The following FIP1L1 variants were observed in gnomAD, a reference collection of about 807,000 sequenced individuals.
FIP1L1 encodes factor interacting with PAPOLA and CPSF1.
In FIP1L1, 21 loss-of-function variants were observed where a neutral mutation model predicts 84.6. That is an observed-to-expected ratio of 0.25 (90% CI 0.18 to 0.36). The LOEUF (loss-of-function observed/expected upper bound fraction) is 0.36, where lower values mean the gene tolerates loss of function less well. FIP1L1 is among the 10% of genes least tolerant of loss of function. The pLI, the probability that FIP1L1 is intolerant of heterozygous loss-of-function variation, is 1.00. For synonymous variants in FIP1L1, 263 were observed against 242.3 expected (o/e 1.09, Z -0.80); for missense variants, 526 against 751.1 (o/e 0.70, Z 3.50).
intron 10 of FIP1L1, among the ~76,000 whole-genome samples, chr4:53,413,665 A>G (rs1006483673): frequency 6.6e-6 from 1 of 152,066 alleles, no homozygotes; most frequent in African/African-American, 2.4e-5. Flanking sequence ...TTTTTAGGCT[A>G]AGGGTATATA....
intron 1 of FIP1L1, 79 bp downstream of exon 1, chr4:53,378,002 C>A: frequency 7.8e-7 from 1 of 1,283,666 alleles, no homozygotes; most frequent in Non-Finnish European, 1.0e-6. Flanking sequence ...CGTCCCTGGC[C>A]TCTCGCGCCG....
At chr4:53,435,963 G>C (rs1768984032) in intron 13 of FIP1L1, among the ~76,000 whole-genome samples, 1 of 152,176 alleles carries the variant, frequency 6.6e-6, no homozygotes, top group African/African-American at 2.4e-5. Context: ...AAACTTCTGA[G>C]CTTGATGGCT....
At chr4:53,455,464 T>G (rs989390691) in intron 16 of FIP1L1, among the ~76,000 whole-genome samples, 4 of 152,096 alleles carry the variant, frequency 2.6e-5, no homozygotes, top group African/African-American at 4.8e-5. Flanking sequence ...CATTGTAGGG[T>G]TATTAATTGG....
chr4:53,391,331 C>T, intron 8 of FIP1L1, 99 bp from the exon 9 acceptor site: 11 of 1,209,790 alleles, frequency 9.1e-6, no homozygotes, highest in Non-Finnish European at 1.3e-5. Context: ...GATGTTCTTA[C>T]TTTCAAATCA....
intron 7 of FIP1L1, 150 bp downstream of exon 7, chr4:53,390,778 A>G: frequency 1.6e-6 from 1 of 626,120 alleles, no homozygotes; most frequent in East Asian, 2.9e-5. Context: ...GGGATTATTA[A>G]ATCTTACTGG....
intron 9 of FIP1L1, among the ~76,000 whole-genome samples, chr4:53,398,008 AGGCAGAACAATGCG>A (rs1748321237): frequency 6.6e-6 from 1 of 152,192 alleles, no homozygotes; most frequent in East Asian, 1.9e-4. Flanking sequence ...TGACATCCCC[AGGCAGAACAATGCG>A]TTTCTTTTTG....
At chr4:53,443,395 T>C (rs185659588) in intron 14 of FIP1L1, among the ~76,000 whole-genome samples, 347 of 152,274 alleles carry the variant, frequency 2.3e-3, no homozygotes, top group African/African-American at 8.0e-3. Context: ...AGTATAATTC[T>C]TGGCAGATAG....
chr4:53,396,044 G>A (rs1439730953), intron 9 of FIP1L1, among the ~76,000 whole-genome samples: 3 of 151,852 alleles, frequency 2.0e-5, no homozygotes, highest in African/African-American at 4.8e-5. Flanking sequence ...TCAGCCGCCC[G>A]AGTAGCTGGG....
chr4:53,454,668 G>C (rs536929289), intron 16 of FIP1L1, among the ~76,000 whole-genome samples: 45 of 152,104 alleles, frequency 3.0e-4, no homozygotes, highest in Non-Finnish European at 5.1e-4. Flanking sequence ...ATAATTCTAA[G>C]TCGATTTACC....
At chr4:53,457,175 G>T (rs1341410583) in intron 16 of FIP1L1, among the ~76,000 whole-genome samples, 3 of 151,994 alleles carry the variant, frequency 2.0e-5, no homozygotes, top group African/African-American at 7.2e-5. Context: ...AAGACTGTTG[G>T]CAATTTTACA....
At position 53,419,941 on chromosome 4, in the gene FIP1L1, G is replaced by A. The variant is rs1429137313; in HGVS notation, c.923+5219G>A. Among the ~76,000 whole-genome samples the A allele has an allele frequency of 5.3e-5, 8 of 152,116 alleles. No homozygotes were observed. In the East Asian group the frequency reaches 1.6e-3, roughly 30 times the overall value. ...CAGCCTGACCAGGCCAGGCGCGGTG[G>A]CTCACGCCTGTAATCCCAGCACTTT... On this transcript the variant is annotated intron_variant, in intron 11 of 17. Transcript: ENST00000337488.
In FIP1L1 at chr4:53,459,739, A is replaced by C. The variant is rs542884727; in HGVS notation, c.*290A>C. On this transcript the variant is annotated 3_prime_UTR_variant, in exon 18 of 18. Coordinates refer to ENST00000337488, the MANE Select transcript of FIP1L1 (RefSeq NM_030917.4). ...AGAGCTGTGTTAGCTGTGTACATAC[A>C]CAGATTATCTGAGAAAAGGTCAAGG... 8 of 377,232 alleles carry C rather than the reference A, an allele frequency of 2.1e-5. No homozygotes were observed. In the Admixed American group the frequency reaches 2.2e-4, roughly 10 times the overall value. 23.4% of individuals were successfully genotyped at this position (377,232 alleles called of 1,614,324 possible).
chr4:53,437,037 A>G (rs934300207), intron 13 of FIP1L1, among the ~76,000 whole-genome samples: 4 of 152,014 alleles, frequency 2.6e-5, no homozygotes, highest in East Asian at 1.9e-4. Flanking sequence ...AAAAAATGCA[A>G]AAATTAAGGC....
intron 3 of FIP1L1, among the ~76,000 whole-genome samples, chr4:53,380,336 C>T (rs1456022327): frequency 2.0e-5 from 3 of 152,174 alleles, no homozygotes; most frequent in African/African-American, 4.8e-5. Context: ...TGTTACAACA[C>T]GGATGAACCT....
chr4:53,423,151 G>T (rs1763043043), intron 11 of FIP1L1, among the ~76,000 whole-genome samples: 1 of 152,232 alleles, frequency 6.6e-6, no homozygotes, highest in African/African-American at 2.4e-5. Flanking sequence ...TAATTCCATT[G>T]TAACTTCAGA....
chr4:53,421,768 A>C (rs1389110982), intron 11 of FIP1L1, among the ~76,000 whole-genome samples: 1 of 152,210 alleles, frequency 6.6e-6, no homozygotes, highest in Non-Finnish European at 1.5e-5. Flanking sequence ...TCAAGCAATA[A>C]TTCAAGCAAT....
At chr4:53,429,783 A>G (rs773807207) in intron 13 of FIP1L1, among the ~76,000 whole-genome samples, 16 of 152,182 alleles carry the variant, frequency 1.1e-4, no homozygotes, top group Non-Finnish European at 2.1e-4. Flanking sequence ...TCATCACCTC[A>G]CATACTTAAC....
intron 13 of FIP1L1, among the ~76,000 whole-genome samples, chr4:53,436,043 G>A (rs1268997562): frequency 6.0e-5 from 9 of 151,082 alleles, no homozygotes; most frequent in East Asian, 5.8e-4. Context: ...TAGTGCCGAC[G>A]GAACTTGGAA....
chr4:53,403,713 TG>T (rs1304516043), intron 10 of FIP1L1, among the ~76,000 whole-genome samples: 1 of 152,126 alleles, frequency 6.6e-6, no homozygotes, highest in Non-Finnish European at 1.5e-5. Flanking sequence ...TTTGAAGCAT[TG>T]GTTGTGCAAC....
Sources: gnomAD v4.1 joint callset for allele counts (sites outside exome capture counted in the v4.1 genomes callset) on GRCh38, gnomAD v4.1.1 for gene constraint, MANE v1.5 for transcripts, NCBI Gene and HGNC (gene_info 2026-07-23, HGNC 2026-07-21) for gene names.